TMEM232: variants seen among roughly 807,000 people sequenced by gnomAD.
The protein encoded by TMEM232 is transmembrane protein 232.
Under a neutral mutation model 78.8 loss-of-function variants are expected in TMEM232, and 80 were observed. That is an observed-to-expected ratio of 1.01 (90% CI 0.85 to 1.22). The LOEUF is 1.22. Among genes scored for constraint, TMEM232 ranks in the 50% most tolerant of loss-of-function variants. The pLI, the probability that TMEM232 is intolerant of heterozygous loss-of-function variation, is 0.00. For synonymous variants in TMEM232, 297 were observed against 254.3 expected (o/e 1.17, Z -1.60); for missense variants, 881 against 742.2 (o/e 1.19, Z -2.17).
intron 1 of TMEM232, among the ~76,000 whole-genome samples, chr5:110,719,292 CAT>C (rs1057108707): frequency 2.6e-5 from 4 of 151,892 alleles, no homozygotes; most frequent in African/African-American, 9.7e-5. Flanking sequence ...CACACACACA[CAT>C]ATATAATTAT....
chr5:110,459,935 A>C (rs904722811), intron 12 of TMEM232, among the ~76,000 whole-genome samples: 6 of 152,156 alleles, frequency 3.9e-5, no homozygotes, highest in Admixed American at 2.0e-4. Flanking sequence ...CATTCTACAA[A>C]CTATTCCCTG....
intron 12 of TMEM232, among the ~76,000 whole-genome samples, chr5:110,522,817 T>G (rs1769747759): frequency 6.6e-6 from 1 of 152,170 alleles, no homozygotes; most frequent in African/African-American, 2.4e-5. Context: ...TTCTGTTTGT[T>G]ACTATTTTGT....
chr5:110,461,255 T>TTA (rs547475409), intron 12 of TMEM232, among the ~76,000 whole-genome samples: 1 of 148,872 alleles, frequency 6.7e-6, no homozygotes, highest in African/African-American at 2.5e-5. Context: ...CATGAATGAT[T>TTA]AAAAAAAAAA....
intron 2 of TMEM232, among the ~76,000 whole-genome samples, chr5:110,412,913 T>C (rs1756050974): frequency 6.6e-6 from 1 of 152,196 alleles, no homozygotes; most frequent in African/African-American, 2.4e-5. Context: ...TTCAAAGCCT[T>C]ACACATTAGG....
intron 1 of TMEM232, among the ~76,000 whole-genome samples, chr5:110,688,955 G>A (rs1052089720): frequency 6.6e-6 from 1 of 152,092 alleles, no homozygotes; most frequent in Non-Finnish European, 1.5e-5. Flanking sequence ...ATATCTGGTT[G>A]TTCCCCTACC....
intron 12 of TMEM232, among the ~76,000 whole-genome samples, chr5:110,506,766 G>C (rs1766954587): frequency 6.6e-6 from 1 of 152,152 alleles, no homozygotes; most frequent in African/African-American, 2.4e-5. Context: ...GGTTGGATTA[G>C]ATGCATCTCT....
chr5:110,666,134 CAAT>C (rs1790557959), intron 2 of TMEM232, among the ~76,000 whole-genome samples: 1 of 151,968 alleles, frequency 6.6e-6, no homozygotes, highest in Non-Finnish European at 1.5e-5. Flanking sequence ...GCAAAGAAAA[CAAT>C]TGCACTTTGT....
chr5:110,580,093 G>A (rs956652108), intron 10 of TMEM232, among the ~76,000 whole-genome samples: 2 of 151,600 alleles, frequency 1.3e-5, no homozygotes, highest in South Asian at 2.1e-4. Context: ...TAATATAAAA[G>A]GATCAATCCA....
At chr5:110,492,215 T>TA (rs531082484) in intron 12 of TMEM232, among the ~76,000 whole-genome samples, 3 of 151,214 alleles carry the variant, frequency 2.0e-5, no homozygotes, top group South Asian at 2.1e-4. Flanking sequence ...ATAATAAAAT[T>TA]AAAAAAAGAA....
intron 4 of TMEM232, among the ~76,000 whole-genome samples, chr5:110,388,414 A>G (rs540826944): frequency 6.6e-6 from 1 of 152,188 alleles, no homozygotes; most frequent in African/African-American, 2.4e-5. Flanking sequence ...ATTCGCCTGT[A>G]CAAGCTTCCA....
intron 11 of TMEM232, among the ~76,000 whole-genome samples, chr5:110,562,848 A>T (rs541499195): frequency 6.6e-6 from 1 of 152,122 alleles, no homozygotes; most frequent in East Asian, 1.9e-4. Context: ...AAACTAAATT[A>T]AGTGATTTTT....
At chr5:110,393,335 C>G (rs1255929438) in intron 3 of TMEM232, among the ~76,000 whole-genome samples, 2 of 152,042 alleles carry the variant, frequency 1.3e-5, no homozygotes, top group African/African-American at 4.8e-5. Context: ...TGTAATTTTG[C>G]TGTTAGGTGC....
At chr5:110,565,876 G>C (rs777212829) in intron 11 of TMEM232, among the ~76,000 whole-genome samples, 2 of 151,708 alleles carry the variant, frequency 1.3e-5, no homozygotes, top group Non-Finnish European at 2.9e-5. Context: ...AATCTTGTTT[G>C]TTAAGATTTT....
chr5:110,424,872 T>G lies in TMEM232; in HGVS notation c.1748A>C (p.Asp583Ala). ...CTCTTTATCTGCCTTGGTGAAGAAATCTGGATATGGAAACATGGGAATTTC... is the reference window on the plus strand; with the variant it reads ...CTCTTTATCTGCCTTGGTGAAGAAAGCTGGATATGGAAACATGGGAATTTC... ...VSEIPMFPYP[D>A]FFTKADKELA... Residue 583 changes from aspartate to alanine, a missense_variant, in exon 13 of 14, where the codon GAT becomes GCT. Asp to Ala is a moderately radical substitution (Grantham distance 126). Transcript: ENST00000455884. 1 of 1,550,356 alleles carries G rather than the reference T, an allele frequency of 6.5e-7. No individual in the cohort carries two copies. The highest frequency in any genetic ancestry group is 8.7e-7 in the Non-Finnish European group (1 of 1,146,202).
chr5:110,716,718 G>C (rs1227431517), intron 1 of TMEM232, among the ~76,000 whole-genome samples: 1 of 152,136 alleles, frequency 6.6e-6, no homozygotes, highest in African/African-American at 2.4e-5. Flanking sequence ...TCTGTGGCCA[G>C]GGTTATGGGG....
chr5:110,614,002 C>T (rs905589868), intron 8 of TMEM232, among the ~76,000 whole-genome samples: 1 of 151,824 alleles, frequency 6.6e-6, no homozygotes, highest in African/African-American at 2.4e-5. Context: ...CTAGAGCCAA[C>T]TAATCTTTTT....
chr5:110,514,130 C>G (rs1768225480), intron 12 of TMEM232, among the ~76,000 whole-genome samples: 1 of 152,038 alleles, frequency 6.6e-6, no homozygotes, highest in African/African-American at 2.4e-5. Flanking sequence ...ACAACTGTGA[C>G]CAGCAATGCT....
intron 2 of TMEM232, among the ~76,000 whole-genome samples, chr5:110,648,186 A>G (rs939242131): frequency 1.3e-5 from 2 of 152,086 alleles, no homozygotes; most frequent in Admixed American, 6.6e-5. Context: ...AATTCAAATT[A>G]AAACCAAAAT....
intron 1 of TMEM232, among the ~76,000 whole-genome samples, chr5:110,668,078 A>G (rs1790841292): frequency 6.6e-6 from 1 of 152,142 alleles, no homozygotes; most frequent in African/African-American, 2.4e-5. Flanking sequence ...TTTTTTAAAT[A>G]GCTAAATTTA....
Sources: gnomAD v4.1 joint callset for allele counts (sites outside exome capture counted in the v4.1 genomes callset) on GRCh38, gnomAD v4.1.1 for gene constraint, MANE v1.5 for transcripts, NCBI Gene and HGNC (gene_info 2026-07-23, HGNC 2026-07-21) for gene names.